Variants in PDE10A observed in about 807,000 individuals in gnomAD.
PDE10A encodes cAMP and cAMP-inhibited cGMP 3',5'-cyclic phosphodiesterase 10A.
In PDE10A, 39 loss-of-function variants were observed where a neutral mutation model predicts 97.7. The ratio of observed to expected loss-of-function variants is 0.40; its 90% CI spans 0.31 to 0.52. PDE10A has a LOEUF of 0.52. Among genes scored for constraint, PDE10A ranks in the 20% least tolerant of loss-of-function variants. The probability of loss-of-function intolerance (pLI) is 0.56; values close to 1 mark genes in which losing one functional copy is unlikely to be tolerated. For synonymous variants in PDE10A, 371 were observed against 376.8 expected, an observed-to-expected ratio of 0.98 and a Z score of 0.18; for missense variants, 731 against 1,047.8, an observed-to-expected ratio of 0.70 and a Z score of 4.17.
At chr6:165,721,751 A>G (rs1318033062) in intron 1 of PDE10A, among the ~76,000 whole-genome samples, 1 of 152,238 alleles carries the variant, frequency 6.6e-6, no homozygotes, top group African/African-American at 2.4e-5. Flanking sequence ...ATCTGTGCAA[A>G]TATCACCTGT....
chr6:165,877,901 C>T (rs1209015535), intron 1 of PDE10A, among the ~76,000 whole-genome samples: 1 of 152,154 alleles, frequency 6.6e-6, no homozygotes, highest in Non-Finnish European at 1.5e-5. Context: ...AACAAAGCCT[C>T]AGAGAGACTA....
At position 165,530,114 on chromosome 6, in the gene PDE10A, C is replaced by A. The variant is rs148486533; in HGVS notation, c.994+13326G>T. ...CTAGCCTCCCAGCCTACATCTTTCT[C>A]CCATGCTGGATGCTTCCTGCCCTGG... On this transcript the variant is annotated intron_variant, in intron 2 of 21. Coordinates refer to ENST00000539869, the MANE Select transcript of PDE10A (RefSeq NM_001385079.1). 5.9e-5 allele frequency among the ~76,000 whole-genome samples: 9 copies of A among 152,146 alleles called. No homozygotes were observed. The East Asian group carries it at 1.7e-3, about 30-fold the overall frequency.
chr6:165,372,568 G>C (rs558394118), intron 18 of PDE10A, among the ~76,000 whole-genome samples: 2 of 150,280 alleles, frequency 1.3e-5, no homozygotes, highest in Non-Finnish European at 3.0e-5. Flanking sequence ...ACTGCTCAAT[G>C]AAATAAAAGA....
At chr6:165,773,886 T>A (rs932587429) in intron 1 of PDE10A, among the ~76,000 whole-genome samples, 13 of 152,064 alleles carry the variant, frequency 8.5e-5, no homozygotes, top group Non-Finnish European at 1.9e-4. Context: ...CTGAAAATCG[T>A]AAAAGTAACA....
chr6:165,917,862 C>T lies in PDE10A; in HGVS notation c.-615+69667G>A, dbSNP rs541164767. The stretch of plus-strand genomic sequence containing the variant: ...CTCTGAGCCGGTGACGCTGGATGGC[C>T]TCTGACTCCCTCTTTTCTTGCTGAG... On this transcript the variant is annotated intron_variant, in intron 1 of 19. Transcript: ENST00000366882. Among the ~76,000 whole-genome samples, 8 of 152,286 alleles carry T rather than the reference C, an allele frequency of 5.3e-5. No homozygotes were observed. In the East Asian group the frequency reaches 1.5e-3, roughly 29 times the overall value.
At chr6:165,613,233 T>A (rs992657714) in intron 1 of PDE10A, among the ~76,000 whole-genome samples, 1 of 152,242 alleles carries the variant, frequency 6.6e-6, no homozygotes, top group Non-Finnish European at 1.5e-5. Context: ...TTCAGGTTTT[T>A]TTAATGTATC....
chr6:165,422,876 C>G (rs1788820691), intron 10 of PDE10A, among the ~76,000 whole-genome samples: 1 of 151,710 alleles, frequency 6.6e-6, no homozygotes, highest in African/African-American at 2.4e-5. Flanking sequence ...ATTTAAGAAA[C>G]ATGAAATATA....
intron 1 of PDE10A, among the ~76,000 whole-genome samples, chr6:165,836,096 G>A (rs552244138): frequency 3.9e-5 from 6 of 152,114 alleles, no homozygotes; most frequent in Non-Finnish European, 8.8e-5. Context: ...CAAAGCCTCC[G>A]TCTTCTGAGC....
intron 1 of PDE10A, among the ~76,000 whole-genome samples, chr6:165,858,595 A>G (rs1028120801): frequency 1.3e-5 from 2 of 152,340 alleles, no homozygotes; most frequent in Middle Eastern, 3.4e-3. Context: ...AGATCACACC[A>G]GAAAAGGTAT....
chr6:165,840,893 G>A (rs181073930), intron 1 of PDE10A, among the ~76,000 whole-genome samples: 51 of 152,344 alleles, frequency 3.3e-4, no homozygotes, highest in Non-Finnish European at 6.2e-4. Context: ...GCAAGGGTCC[G>A]TGAACATGCC....
intron 1 of PDE10A, among the ~76,000 whole-genome samples, chr6:165,841,899 G>T (rs747633365): frequency 6.6e-6 from 1 of 152,190 alleles, no homozygotes; most frequent in Non-Finnish European, 1.5e-5. Context: ...ATTATGCCAG[G>T]AGCTTTTCAT....
rs1401966152 is a variant in PDE10A at position 165,827,103 on chromosome 6, G to A, written c.-615+160426C>T. On this transcript the variant is annotated intron_variant, in intron 1 of 19. Coordinates refer to the PDE10A transcript ENST00000366882. Reference sequence around the variant, plus strand: ...GCACAGGGAATGTCGGGGCCGACCCGGGAGAGCCTGACTTCCTGCGGGCCC... The same window carrying A: ...GCACAGGGAATGTCGGGGCCGACCCAGGAGAGCCTGACTTCCTGCGGGCCC... 8.5e-5 allele frequency among the ~76,000 whole-genome samples: 13 copies of A among 152,264 alleles called. No homozygotes were observed. The East Asian group carries it at 2.1e-3, about 25-fold the overall frequency.
At chr6:165,351,056 T>C (rs2128186464) in intron 18 of PDE10A, among the ~76,000 whole-genome samples, 1 of 152,328 alleles carries the variant, frequency 6.6e-6, no homozygotes, top group East Asian at 1.9e-4. Flanking sequence ...TTGCCATTTA[T>C]AAAGTTTAAA....
chr6:165,366,509 G>A (rs1388914574), intron 18 of PDE10A, among the ~76,000 whole-genome samples: 2 of 152,144 alleles, frequency 1.3e-5, no homozygotes, highest in African/African-American at 4.8e-5. Flanking sequence ...TGAAGATGCT[G>A]TCTAGTACCT....
chr6:165,778,379 A>G (rs1396191743), intron 1 of PDE10A, among the ~76,000 whole-genome samples: 1 of 152,088 alleles, frequency 6.6e-6, no homozygotes, highest in African/African-American at 2.4e-5. Context: ...CTACATGTTT[A>G]TTTTCATTCA....
At chr6:165,884,133 C>T (rs1391304435) in intron 1 of PDE10A, among the ~76,000 whole-genome samples, 1 of 152,036 alleles carries the variant, frequency 6.6e-6, no homozygotes, top group South Asian at 2.1e-4. Flanking sequence ...ACAGTCCCAA[C>T]GGCACAGGAA....
intron 1 of PDE10A, among the ~76,000 whole-genome samples, chr6:165,864,627 C>T (rs1015433539): frequency 6.6e-6 from 1 of 152,088 alleles, no homozygotes; most frequent in Non-Finnish European, 1.5e-5. Flanking sequence ...TGGGAGTGAA[C>T]CCCTCTTCAC....
chr6:165,707,657 G>A (rs368117392), intron 1 of PDE10A, among the ~76,000 whole-genome samples: 18 of 151,802 alleles, frequency 1.2e-4, no homozygotes, highest in African/African-American at 3.6e-4. Context: ...TTGGGTATAT[G>A]TGAGCGTGTG....
chr6:165,964,603 C>T (rs1016249790), intron 1 of PDE10A, among the ~76,000 whole-genome samples: 2 of 152,186 alleles, frequency 1.3e-5, no homozygotes, highest in South Asian at 2.1e-4. Flanking sequence ...CAACGGAATG[C>T]TCCCTATGTG....
Sources: allele counts gnomAD v4.1 joint callset (sites outside exome capture counted in the v4.1 genomes callset), GRCh38; gene constraint gnomAD v4.1.1; transcripts MANE v1.5; gene names NCBI Gene and HGNC (gene_info 2026-07-23, HGNC 2026-07-21).